Variants in ZC3H12B observed in about 807,000 individuals in gnomAD.
ZC3H12B encodes the protein zinc finger CCCH-type containing 12B.
Under a neutral mutation model 43.9 loss-of-function variants are expected in ZC3H12B, and 7 were observed. The ratio of observed to expected loss-of-function variants is 0.16; its 90% CI spans 0.09 to 0.30. ZC3H12B has a LOEUF of 0.30. Among genes scored for constraint, ZC3H12B ranks in the 10% least tolerant of loss-of-function variants. ZC3H12B has a pLI of 1.00. For synonymous variants in ZC3H12B, 222 were observed against 241.7 expected, an observed-to-expected ratio of 0.92 and a Z score of 0.76; for missense variants, 475 against 670.2, an observed-to-expected ratio of 0.71 and a Z score of 3.22.
chrX:65,092,903 G>A, the ZC3H12B span, among the ~76,000 whole-genome samples: 3 of 111,882 alleles, frequency 2.7e-5, no homozygotes, highest in Admixed American at 1.9e-4. Flanking sequence ...AACCAAGACG[G>A]TGGGAAAAAG....
the ZC3H12B span, among the ~76,000 whole-genome samples, chrX:65,131,604 G>T: frequency 4.5e-5 from 5 of 111,369 alleles, no homozygotes; most frequent in African/African-American, 1.6e-4. Flanking sequence ...AGCTAGGTTT[G>T]CTTTTGTGAG....
chrX:65,242,115 G>A, the ZC3H12B span, among the ~76,000 whole-genome samples: 26 of 110,637 alleles, frequency 2.4e-4, no homozygotes, highest in Admixed American at 9.6e-5. Flanking sequence ...GGGTTACTTT[G>A]GGTCGGTGCC....
chrX:65,407,415 G>A (rs2066844259), intron 3 of ZC3H12B, among the ~76,000 whole-genome samples: 1 of 112,939 alleles, frequency 8.9e-6, no homozygotes, highest in African/African-American at 3.2e-5. Context: ...CACTTTCCCC[G>A]CCTAGTCATC....
chrX:65,162,314 G>A, the ZC3H12B span, among the ~76,000 whole-genome samples: 3 of 111,719 alleles, frequency 2.7e-5, no homozygotes, highest in South Asian at 1.1e-3. Flanking sequence ...ATGCTGGCCT[G>A]CCTTGCTAGA....
chrX:65,230,286 C>T, the ZC3H12B span, among the ~76,000 whole-genome samples: 9 of 109,275 alleles, frequency 8.2e-5, no homozygotes, highest in Non-Finnish European at 1.5e-4. Context: ...ATTGCAAGAA[C>T]GAGAAACCAA....
chrX:65,493,142 C>G (rs952433286), intron 1 of ZC3H12B, among the ~76,000 whole-genome samples: 5 of 109,635 alleles, frequency 4.6e-5, no homozygotes, highest in Non-Finnish European at 9.5e-5. Flanking sequence ...CCTGGTGGCT[C>G]ACACCTGTAA....
the ZC3H12B span, among the ~76,000 whole-genome samples, chrX:65,207,616 C>G: frequency 3.7e-5 from 4 of 108,503 alleles, no homozygotes; most frequent in Non-Finnish European, 7.6e-5. Context: ...AGTGTGATGC[C>G]TCCAGCTTTG....
At chrX:65,177,979 A>G in the ZC3H12B span, among the ~76,000 whole-genome samples, 1 of 112,311 alleles carries the variant, frequency 8.9e-6, no homozygotes, top group African/African-American at 3.2e-5. Context: ...AAAAGAACAA[A>G]GCTGGGGACA....
At chrX:65,239,712 A>G in the ZC3H12B span, among the ~76,000 whole-genome samples, 2 of 112,266 alleles carry the variant, frequency 1.8e-5, no homozygotes, top group Admixed American at 9.4e-5. Flanking sequence ...GGTGGTTGAT[A>G]GCAATTTTTC....
the ZC3H12B span, among the ~76,000 whole-genome samples, chrX:65,051,776 G>GT: frequency 9.1e-6 from 1 of 110,433 alleles, no homozygotes. Context: ...TGGAGGCTAG[G>GT]TTTTTTTAAG....
the ZC3H12B span, among the ~76,000 whole-genome samples, chrX:65,334,254 C>A: frequency 8.9e-6 from 1 of 111,990 alleles, no homozygotes; most frequent in Non-Finnish European, 1.9e-5. Flanking sequence ...TATGAAAAAA[C>A]TGAATAATAC....
intron 2 of ZC3H12B, among the ~76,000 whole-genome samples, chrX:65,392,710 G>GC (rs1169182228): frequency 2.7e-5 from 3 of 113,078 alleles, no homozygotes; most frequent in African/African-American, 9.6e-5. Flanking sequence ...GAAGTGAGGA[G>GC]CCCCTCTGCC....
chrX:65,051,174 T>C, the ZC3H12B span, among the ~76,000 whole-genome samples: 4 of 112,058 alleles, frequency 3.6e-5, no homozygotes, highest in African/African-American at 1.3e-4. Flanking sequence ...CTTTTAATCC[T>C]GTTAATTTCT....
chrX:65,258,907 G>T, the ZC3H12B span, among the ~76,000 whole-genome samples: 4 of 111,505 alleles, frequency 3.6e-5, no homozygotes, highest in Admixed American at 3.8e-4. Flanking sequence ...ATTGCTCAAA[G>T]AGATCAGAAT....
the ZC3H12B span, among the ~76,000 whole-genome samples, chrX:65,209,941 A>G: frequency 3.3e-5 from 3 of 90,391 alleles, no homozygotes; most frequent in African/African-American, 1.7e-4. Context: ...AGATTTAAAC[A>G]TTAGACCTAA....
At chrX:65,134,495 G>A in the ZC3H12B span, among the ~76,000 whole-genome samples, 1 of 111,993 alleles carries the variant, frequency 8.9e-6, no homozygotes. Flanking sequence ...AGGACAGGGA[G>A]ATTGAAGGGT....
At chrX:65,290,711 T>A in the ZC3H12B span, among the ~76,000 whole-genome samples, 1 of 111,357 alleles carries the variant, frequency 9.0e-6, no homozygotes, top group African/African-American at 3.2e-5. Flanking sequence ...GCAACATGGA[T>A]GGAACTAGAG....
At chrX:65,281,946 C>T in the ZC3H12B span, among the ~76,000 whole-genome samples, 4 of 111,552 alleles carry the variant, frequency 3.6e-5, no homozygotes, top group African/African-American at 1.3e-4. Context: ...GACGCAAGGA[C>T]GGTTAAACAT....
At chrX:65,388,092 C>T (rs1027863313) in intron 2 of ZC3H12B, among the ~76,000 whole-genome samples, 2 of 111,642 alleles carry the variant, frequency 1.8e-5, no homozygotes, top group Admixed American at 1.9e-4. Flanking sequence ...TTCATTTCAA[C>T]TTTGGTGAAT....
Sources: gnomAD v4.1 joint callset for allele counts (sites outside exome capture counted in the v4.1 genomes callset) on GRCh38, gnomAD v4.1.1 for gene constraint, MANE v1.5 for transcripts, NCBI Gene and HGNC (gene_info 2026-07-23, HGNC 2026-07-21) for gene names.